DNAH11: variants seen among roughly 807,000 people sequenced by gnomAD.
DNAH11 encodes the protein axonemal beta dynein heavy chain 11.
Under a neutral mutation model 526.0 loss-of-function variants are expected in DNAH11, and 442 were observed. The ratio of observed to expected loss-of-function variants is 0.84; its 90% confidence interval spans 0.78 to 0.91. The LOEUF (loss-of-function observed/expected upper bound fraction) is 0.91, where lower values mean the gene tolerates loss of function less well. Among genes scored for constraint, DNAH11 ranks in the 40% least tolerant of loss-of-function variants. The pLI is 0.00. For missense variants in DNAH11, 6,989 were observed against 5,448.7 expected (o/e 1.28, Z -8.90); for synonymous variants, 2,461 against 1,935.9 (o/e 1.27, Z -7.12).
chr7:21,663,780 A>G (rs558988044), intron 30 of DNAH11, among the ~76,000 whole-genome samples: 4 of 150,962 alleles, frequency 2.6e-5, no homozygotes, highest in African/African-American at 7.3e-5. Flanking sequence ...TAAAGACACA[A>G]TAGTATTTCA....
chr7:21,692,174 G>A (rs1783659529), intron 35 of DNAH11, among the ~76,000 whole-genome samples: 1 of 152,166 alleles, frequency 6.6e-6, no homozygotes. Context: ...GAGAAAGAGA[G>A]ATCAGGTTTA....
intron 61 of DNAH11, among the ~76,000 whole-genome samples, chr7:21,793,677 G>T (rs1426606170): frequency 1.3e-5 from 2 of 151,456 alleles, no homozygotes; most frequent in Non-Finnish European, 2.9e-5. Flanking sequence ...TATAAATGTT[G>T]CTTAGACCTA....
chr7:21,642,171 A>G (rs976908256), intron 28 of DNAH11, among the ~76,000 whole-genome samples: 2 of 152,182 alleles, frequency 1.3e-5, no homozygotes, highest in Non-Finnish European at 2.9e-5. Flanking sequence ...ATGTGATTTC[A>G]TTGAGGTCTT....
intron 66 of DNAH11, among the ~76,000 whole-genome samples, chr7:21,847,498 G>A (rs145535404): frequency 2.6e-4 from 40 of 152,166 alleles, no homozygotes; most frequent in African/African-American, 8.2e-4. Flanking sequence ...AATTTTAAGC[G>A]TTCTGTTACT....
At chr7:21,896,947 C>T (rs764993980) in intron 79 of DNAH11, among the ~76,000 whole-genome samples, 12 of 151,918 alleles carry the variant, frequency 7.9e-5, no homozygotes, top group African/African-American at 1.9e-4. Context: ...TGGTGGCATG[C>T]GACTGTAGTC....
intron 5 of DNAH11, among the ~76,000 whole-genome samples, chr7:21,562,131 T>C (rs748084893): frequency 9.2e-5 from 14 of 152,262 alleles, no homozygotes; most frequent in Non-Finnish European, 1.9e-4. Flanking sequence ...CAAATTGGCC[T>C]ATTAACACCT....
chr7:21,709,138 GC>G (rs1412952317), intron 40 of DNAH11, among the ~76,000 whole-genome samples: 1 of 152,180 alleles, frequency 6.6e-6, no homozygotes, highest in Admixed American at 6.5e-5. Context: ...TATGTTCACT[GC>G]AGCACTATTC....
chr7:21,564,053 A>T, intron 5 of DNAH11, 133 bp from the exon 6 acceptor site: 1 of 583,320 alleles, frequency 1.7e-6, no homozygotes, highest in Non-Finnish European at 2.9e-6. Context: ...AGGATAAGTA[A>T]TATAAAAGGA....
intron 30 of DNAH11, among the ~76,000 whole-genome samples, chr7:21,679,774 A>T (rs1039117453): frequency 6.6e-6 from 1 of 151,980 alleles, no homozygotes. Flanking sequence ...TGGGATTTGA[A>T]TTTCTCCTCC....
In DNAH11 at chr7:21,866,383, A is replaced by G; in HGVS notation, c.11497-87A>G. ...ATACTATCCAGCACAGTTTTTTTAC[A>G]TAAGATTAGATACATTCACAAGTCT... On this transcript the variant is annotated intron_variant, in intron 70 of 81. Transcript: ENST00000409508. 4.6e-6 allele frequency: 6 copies of G among 1,316,018 alleles called. No individual in the cohort carries two copies. The South Asian group carries it at 4.8e-5, about 10-fold the overall frequency. 81.5% of individuals were successfully genotyped at this position (1,316,018 alleles called of 1,614,324 possible).
At chr7:21,544,514 A>C (rs1782734362) in intron 1 of DNAH11, among the ~76,000 whole-genome samples, 1 of 152,224 alleles carries the variant, frequency 6.6e-6, no homozygotes. Context: ...TAGTTATTAT[A>C]ATGTTCAATG....
At chr7:21,623,286 A>C (rs1412189148) in intron 25 of DNAH11, among the ~76,000 whole-genome samples, 3 of 151,202 alleles carry the variant, frequency 2.0e-5, no homozygotes, top group South Asian at 2.1e-4. Flanking sequence ...CACCAGTTAG[A>C]ATGGCAATCA....
intron 28 of DNAH11, 33 bp downstream of exon 28, chr7:21,639,098 T>C: frequency 1.9e-6 from 3 of 1,574,600 alleles, no homozygotes; most frequent in Non-Finnish European, 2.6e-6. Context: ...CGTATTATAC[T>C]GTGTTAGCTG....
chr7:21,765,654 ACACACT>A (rs1384117613), intron 55 of DNAH11, 65 bp downstream of exon 55: 5 of 1,147,958 alleles, frequency 4.4e-6, no homozygotes, highest in South Asian at 1.6e-5. Flanking sequence ...ACACACACAC[ACACACT>A]CTGAAAATCC....
intron 30 of DNAH11, among the ~76,000 whole-genome samples, chr7:21,670,522 C>T (rs555060111): frequency 1.3e-5 from 2 of 151,862 alleles, no homozygotes; most frequent in Non-Finnish European, 2.9e-5. Flanking sequence ...TCTTTTTGTT[C>T]TTTATTTCCT....
intron 60 of DNAH11, among the ~76,000 whole-genome samples, chr7:21,788,044 A>G (rs971476998): frequency 3.3e-5 from 5 of 152,196 alleles, no homozygotes; most frequent in African/African-American, 4.8e-5. Flanking sequence ...TTTTGTGCCT[A>G]TATGTGATCT....
chr7:21,842,830 T>C (rs1782268363), intron 66 of DNAH11, 82 bp downstream of exon 66: 1 of 1,230,456 alleles, frequency 8.1e-7, no homozygotes, highest in Non-Finnish European at 1.1e-6. Context: ...AAGTATAAAA[T>C]AGGATTCCTG....
At chr7:21,639,400 G>A (rs1322639477) in intron 28 of DNAH11, among the ~76,000 whole-genome samples, 2 of 152,132 alleles carry the variant, frequency 1.3e-5, no homozygotes, top group African/African-American at 4.8e-5. Flanking sequence ...AGCTTTCCTA[G>A]GGGAGAAAGG....
Position 21,901,008 on chromosome 7 carries a change from C to A in DNAH11, c.13305C>A (p.Gly4435=). ...GAYLHGLFME[G]ARWDTQAGTI... Reference sequence around the variant, plus strand: ...GCAACCGCTGTGTTTTTGCCATAGGCGCCCGCTGGGACACCCAAGCAGGAA... The same window carrying A: ...GCAACCGCTGTGTTTTTGCCATAGGAGCCCGCTGGGACACCCAAGCAGGAA... Residue 4435 remains glycine, a splice_region_variant and synonymous_variant, in exon 82 of 82, where the codon GGC becomes GGA. Transcript: ENST00000409508. The A allele has an allele frequency of 6.3e-7, 1 of 1,586,380 alleles. No homozygotes were observed. The highest frequency in any genetic ancestry group is 8.6e-7 in the Non-Finnish European group (1 of 1,166,510).
Sources: allele counts gnomAD v4.1 joint callset (sites outside exome capture counted in the v4.1 genomes callset), GRCh38; gene constraint gnomAD v4.1.1; transcripts MANE v1.5; gene names NCBI Gene and HGNC (gene_info 2026-07-23, HGNC 2026-07-21).